The following ARHGEF18 variants were observed in gnomAD, a reference collection of about 807,000 sequenced individuals.
ARHGEF18 encodes Rho/Rac guanine nucleotide exchange factor 18, also known as rho guanine nucleotide exchange factor 18.
In ARHGEF18, 93 loss-of-function variants were observed where a neutral mutation model predicts 155.7. The observed-to-expected ratio is 0.60, with a 90% CI of 0.50 to 0.71. The LOEUF is 0.71. Among genes scored for constraint, ARHGEF18 ranks in the 30% least tolerant of loss-of-function variants. ARHGEF18 has a pLI of 0.00. For synonymous variants in ARHGEF18, 742 were observed against 753.1 expected (o/e 0.99, Z 0.24); for missense variants, 1,593 against 1,816.1 (o/e 0.88, Z 2.23).
At chr19:7,473,678 CG>C (rs1293115429), downstream of ARHGEF18, among the ~76,000 whole-genome samples, 19 of 152,070 alleles carry the variant, frequency 1.2e-4, no homozygotes, top group South Asian at 6.3e-4. Context: ...GGCGTGGTGG[CG>C]GGCGCCTGTA....
chr19:7,385,310 T>G (rs1970944030), intron 10 of ARHGEF18, among the ~76,000 whole-genome samples: 3 of 152,038 alleles, frequency 2.0e-5, no homozygotes, highest in African/African-American at 7.2e-5. Flanking sequence ...CATTCTCCAT[T>G]TGTTTCTGTT....
intron 8 of ARHGEF18, among the ~76,000 whole-genome samples, chr19:7,382,219 C>A (rs1190560707): frequency 6.6e-6 from 1 of 151,946 alleles, no homozygotes; most frequent in Admixed American, 6.6e-5. Context: ...CACGGTGAAA[C>A]CCCACCTCTA....
At chr19:7,408,395 C>T (rs927742551) in intron 10 of ARHGEF18, among the ~76,000 whole-genome samples, 23 of 152,192 alleles carry the variant, frequency 1.5e-4, no homozygotes, top group African/African-American at 5.3e-4. Flanking sequence ...TGGGCGTGGC[C>T]GTGTTCTGAT....
chr19:7,436,233 TG>T (rs1410560228), intron 10 of ARHGEF18, among the ~76,000 whole-genome samples: 1 of 151,020 alleles, frequency 6.6e-6, no homozygotes, highest in East Asian at 1.9e-4. Context: ...AACTTGATTT[TG>T]GGAATTGGCA....
At chr19:7,453,067 C>CGGGTGCCTGTAATCCCAGCTA (rs1568351704) in intron 16 of ARHGEF18, among the ~76,000 whole-genome samples, 1 of 151,842 alleles carries the variant, frequency 6.6e-6, no homozygotes, top group Non-Finnish European at 1.5e-5. Flanking sequence ...GGCATGGTGG[C>CGGGTGCCTGTAATCCCAGCTA]GGGTGCCTGT....
chr19:7,439,028 C>T (rs770243882), intron 10 of ARHGEF18, among the ~76,000 whole-genome samples: 8 of 152,072 alleles, frequency 5.3e-5, no homozygotes, highest in Non-Finnish European at 8.8e-5. Flanking sequence ...TCCACCACCA[C>T]GCCCTTCTAA....
At chr19:7,354,190 A>G (rs1338540568) in intron 1 of ARHGEF18, among the ~76,000 whole-genome samples, 1 of 152,060 alleles carries the variant, frequency 6.6e-6, no homozygotes, top group Admixed American at 6.6e-5. Context: ...GATAGCATGC[A>G]TGTACATTCC....
chr19:7,478,926 G>GC, the ARHGEF18 span, among the ~76,000 whole-genome samples: 1 of 152,146 alleles, frequency 6.6e-6, no homozygotes, highest in African/African-American at 2.4e-5. Flanking sequence ...TACCCAGTGG[G>GC]CAGCCTCTGT....
rs1014189296 is a variant in ARHGEF18 at position 7,463,886 on chromosome 19, A to G, written c.2704A>G (p.Ser902Gly). ...SANGQAEDGG[S>G]STGPPRRAET... ...CAACGGCCAGGCGGAAGACGGAGGC[A>G]GCTCCACAGGCCCGCCCAGGAGGGC... Residue 902 changes from serine (S) to glycine (G), a missense_variant, in exon 22 of 29, where the codon AGC becomes GGC. Transcript: ENST00000668164. This position sits in a 1 kb window ranked among gnomAD's most constrained non-coding sequence, Gnocchi z 5.2. 1 of 1,601,704 alleles carries G rather than the reference A, an allele frequency of 6.2e-7. No homozygotes were observed.
At chr19:7,430,760 G>A (rs1410061374) in intron 10 of ARHGEF18, among the ~76,000 whole-genome samples, 2 of 152,148 alleles carry the variant, frequency 1.3e-5, no homozygotes, top group Non-Finnish European at 2.9e-5. Context: ...AGCTAAGTCT[G>A]TGCCACTGTA....
intron 7 of ARHGEF18, among the ~76,000 whole-genome samples, chr19:7,380,649 A>C (rs1970693202): frequency 6.6e-6 from 1 of 151,912 alleles, no homozygotes; most frequent in South Asian, 2.1e-4. Flanking sequence ...GTACCACTGC[A>C]CTCCAGCCTG....
chr19:7,446,987 A>T (rs1008863011), intron 14 of ARHGEF18, 56 bp from the exon 15 acceptor site: 17 of 1,591,508 alleles, frequency 1.1e-5, no homozygotes, highest in Non-Finnish European at 1.5e-5. Flanking sequence ...ATTAGATGAA[A>T]ATACTCTTTG....
In ARHGEF18 at chr19:7,426,354, G is replaced by A. The variant is rs751178834; in HGVS notation, c.968-13990G>A. Among the ~76,000 whole-genome samples the A allele has an allele frequency of 1.3e-4, 20 of 152,058 alleles. 1 individual carries two copies. Among genetic ancestry groups the A allele is most frequent in the Non-Finnish European group, 1.9e-4 (13 of 67,960 alleles). Reference sequence around the variant, plus strand: ...ATAGAAAAATTAGCCGGGCGTGGTGGAACGTGCCTGTCGTCCCGGCTACTC... The same window carrying A: ...ATAGAAAAATTAGCCGGGCGTGGTGAAACGTGCCTGTCGTCCCGGCTACTC... On this transcript the variant is annotated intron_variant, in intron 10 of 28. Coordinates refer to ENST00000668164, the MANE Select transcript of ARHGEF18 (RefSeq NM_001367823.1).
At chr19:7,401,142 A>G (rs1305397312) in intron 10 of ARHGEF18, among the ~76,000 whole-genome samples, 1 of 152,196 alleles carries the variant, frequency 6.6e-6, no homozygotes, top group East Asian at 1.9e-4. Flanking sequence ...GGTAGAATGT[A>G]GAGCAAAGGA....
intron 1 of ARHGEF18, among the ~76,000 whole-genome samples, chr19:7,349,455 G>A (rs1428859592): frequency 2.0e-5 from 3 of 152,042 alleles, no homozygotes; most frequent in Non-Finnish European, 2.9e-5. Context: ...CCCAGGGGAC[G>A]GGGATCCTTG....
At position 7,466,804 on chromosome 19, in the gene ARHGEF18, C is replaced by CAAAAAAAA. The variant is rs965666634; in HGVS notation, c.2905-99_2905-92dup. 162 of 495,878 alleles carry CAAAAAAAA rather than the reference C, an allele frequency of 3.3e-4. 1 individual carries two copies. In the African/African-American group the frequency reaches 4.1e-3, roughly 13 times the overall value. The allele number at this position is 495,878 out of a possible 1,614,324, so 30.7% of individuals were successfully genotyped here. A position where few individuals can be genotyped will look rare whatever the true frequency, so the allele number is the denominator to read the frequency against. On this transcript the variant is annotated intron_variant, in intron 23 of 28. Coordinates refer to ENST00000668164, the MANE Select transcript of ARHGEF18 (RefSeq NM_001367823.1). ...GGGCAACAAGAGCAGAATTCCGTCT[C>CAAAAAAAA]AAAAAAAAAAAAAAAAAAAAAAGTT...
chr19:7,357,615 G>C (rs1223201346), intron 1 of ARHGEF18, among the ~76,000 whole-genome samples: 1 of 152,138 alleles, frequency 6.6e-6, no homozygotes, highest in Non-Finnish European at 1.5e-5. Flanking sequence ...TAGCTCCCCT[G>C]GGAGAGTGAC....
Position 7,440,372 on chromosome 19 carries a change from C to T in ARHGEF18, c.996C>T (p.Thr332=), listed in dbSNP as rs1431666549. The stretch of plus-strand genomic sequence containing the variant: ...CGCTCAAGGAGCACCCCCGGGGCAC[C>T]CTCCTGTCCGATGGCAGCCCGGCCC... ...SASLKEHPRG[T]LLSDGSPALS... The change falls in exon 11 of 29, where the codon ACC becomes ACT. Residue 332 remains threonine, a synonymous_variant. Transcript: ENST00000668164. This position sits in a 1 kb window ranked among gnomAD's most constrained non-coding sequence, Gnocchi z 5.4. 1 of 1,611,814 alleles carries T rather than the reference C, an allele frequency of 6.2e-7. No individual in the cohort carries two copies. Among genetic ancestry groups the T allele is most frequent in the Non-Finnish European group, 8.5e-7 (1 of 1,179,986 alleles).
chr19:7,369,178 T>G (rs1970079653), intron 2 of ARHGEF18, among the ~76,000 whole-genome samples: 1 of 149,266 alleles, frequency 6.7e-6, no homozygotes, highest in South Asian at 2.1e-4. Flanking sequence ...AAATACAAAA[T>G]TAGGCGGGTG....
Sources: allele counts gnomAD v4.1 joint callset (sites outside exome capture counted in the v4.1 genomes callset), GRCh38; gene constraint gnomAD v4.1.1; non-coding constraint Gnocchi (gnomAD v3.1); transcripts MANE v1.5; gene names NCBI Gene and HGNC (gene_info 2026-07-23, HGNC 2026-07-21).